Variants in TIMELESS observed in about 807,000 individuals in gnomAD.
TIMELESS encodes protein timeless homolog.
Under a neutral mutation model 164.3 loss-of-function variants are expected in TIMELESS, and 124 were observed. The ratio of observed to expected loss-of-function variants is 0.75; its 90% CI spans 0.65 to 0.88. TIMELESS has a LOEUF of 0.88. Ranked by LOEUF, TIMELESS falls within the 40% of genes least tolerant of loss-of-function variation. The pLI is 0.00. For missense variants in TIMELESS, 1,422 were observed against 1,491.4 expected (o/e 0.95, Z 0.77); for synonymous variants, 564 against 563.4 (o/e 1.00, Z -0.02).
chr12:56,420,048 A>ATATATATATATATATGTGTGTG (rs1473074484), intron 26 of TIMELESS, among the ~76,000 whole-genome samples: 1 of 87,340 alleles, frequency 1.1e-5, no homozygotes, highest in African/African-American at 5.0e-5. Flanking sequence ...ATATATATAT[A>ATATATATATATATATGTGTGTG]TGTGTGTGTG....
intron 7 of TIMELESS, among the ~76,000 whole-genome samples, chr12:56,431,926 A>G (rs1044139781): frequency 6.6e-6 from 1 of 152,034 alleles, no homozygotes; most frequent in Non-Finnish European, 1.5e-5. Flanking sequence ...AGAAAACAGA[A>G]CATGTATACA....
Position 56,433,452 on chromosome 12 carries a change from T to C in TIMELESS, c.367-9A>G. On this transcript the variant is annotated splice_polypyrimidine_tract_variant and intron_variant, in intron 4 of 28. Transcript: ENST00000553532. ...TTCTCACTGGCAAAGGCCTGTGAAA[T>C]AGGGAACCTGATCTTAAGTAGCAGT... is the stretch of plus-strand genomic sequence containing the variant. 2 of 1,614,220 alleles carry C rather than the reference T, an allele frequency of 1.2e-6. No individual in the cohort carries two copies. Among genetic ancestry groups the C allele is most frequent in the South Asian group, 1.1e-5 (1 of 91,088 alleles).
rs185666229 is a variant in TIMELESS at position 56,435,551 on chromosome 12, C to T, written c.-61-1320G>A. Among the ~76,000 whole-genome samples, 9 of 152,232 alleles carry T rather than the reference C, an allele frequency of 5.9e-5. No homozygotes were observed. In the East Asian group the frequency reaches 9.7e-4, roughly 16 times the overall value. ...TTAAAAAATTTTTGTAGGCCAGGTG[C>T]GGTGGCATCCCAGCACTTTGGAAGG... On this transcript the variant is annotated intron_variant, in intron 1 of 28. Transcript: ENST00000553532.
At chr12:56,441,953 G>T (rs1427431975) in intron 1 of TIMELESS, among the ~76,000 whole-genome samples, 1 of 151,690 alleles carries the variant, frequency 6.6e-6, no homozygotes, top group East Asian at 1.9e-4. Flanking sequence ...GTGTGGTGGC[G>T]GGTGCCTGTA....
chr12:56,422,529 G>C (rs1036971010), intron 19 of TIMELESS, among the ~76,000 whole-genome samples: 2 of 152,160 alleles, frequency 1.3e-5, no homozygotes, highest in Non-Finnish European at 1.5e-5. Context: ...AAATCCTCAT[G>C]GTTTCCCAGC....
intron 19 of TIMELESS, among the ~76,000 whole-genome samples, chr12:56,422,607 C>T (rs566173926): frequency 1.3e-5 from 2 of 152,290 alleles, no homozygotes; most frequent in South Asian, 4.1e-4. Context: ...GTGACTACCT[C>T]TATGGAGGCT....
chr12:56,427,186 G>A (rs11171842), intron 13 of TIMELESS, among the ~76,000 whole-genome samples: 10,468 of 152,244 alleles, frequency 0.069, 483 homozygotes, highest in Middle Eastern at 0.13. Context: ...GCAGTGGCAT[G>A]ATCTTGGCCT....
chr12:56,443,940 A>C (rs113559688), intron 1 of TIMELESS, among the ~76,000 whole-genome samples: 10,733 of 147,084 alleles, frequency 0.073, 1,271 homozygotes, highest in African/African-American at 0.25. Context: ...GCTCTGTCAT[A>C]CAGGCTGGAG....
chr12:56,425,061 TC>T lies in TIMELESS; in HGVS notation c.1669del (p.Glu557ArgfsTer60). On this transcript the variant is annotated frameshift_variant, in exon 14 of 29. Transcript: ENST00000553532. LOFTEE classifies it high-confidence loss of function. ...GNVPSSPEEVEAVWPALAEQL... is the reference protein window; with the variant it reads ...GNVPSSPEEVXAVWPALAEQL... ...CTCAGCCAGGGCTGGCCACACAGCC[TC>T]CACTTCTTCTGGGCTAGATGGGACA... 1.2e-6 allele frequency: 2 copies of T among 1,614,202 alleles called. No homozygotes were observed. The highest frequency in any genetic ancestry group is 1.7e-6 in the Non-Finnish European group (2 of 1,180,034).
Position 56,417,667 on chromosome 12 carries a change from T to C in TIMELESS, c.*49A>G, listed in dbSNP as rs374609968. 1.8e-5 allele frequency: 28 copies of C among 1,589,994 alleles called. No individual in the cohort carries two copies. The highest frequency in any genetic ancestry group is 2.2e-5 in the Non-Finnish European group (26 of 1,158,334). On this transcript the variant is annotated 3_prime_UTR_variant, in exon 29 of 29. Transcript: ENST00000553532. The stretch of plus-strand genomic sequence containing the variant: ...ATGACCCTTCCAACTCTGACTTGAA[T>C]GCACCATCTAAAAACGTGTCTATCT...
intron 1 of TIMELESS, among the ~76,000 whole-genome samples, chr12:56,447,186 T>G (rs950896482): frequency 2.7e-5 from 1 of 37,696 alleles, no homozygotes; most frequent in African/African-American, 2.3e-4. Flanking sequence ...ATTTTTGTTT[T>G]TTTTTTTTTT....
At chr12:56,429,124 A>C (rs764057133) in intron 10 of TIMELESS, 24 bp from the exon 11 acceptor site, 1 of 1,598,148 alleles carries the variant, frequency 6.3e-7, no homozygotes, top group East Asian at 2.2e-5. Context: ...AAGAAAAAAA[A>C]AGATCACCAT....
intron 13 of TIMELESS, among the ~76,000 whole-genome samples, chr12:56,425,777 A>G (rs1881656469): frequency 1.3e-5 from 2 of 152,142 alleles, no homozygotes; most frequent in Non-Finnish European, 2.9e-5. Flanking sequence ...TGGGAGGCCG[A>G]GGCAGAAGAA....
At position 56,422,996 on chromosome 12, in the gene TIMELESS, T is replaced by TAGG. The variant is rs748622924; in HGVS notation, c.2293-7_2293-5dup. Reference sequence around the variant, plus strand: ...ATTTGGCAAAAGTCACTAGCTCCTGTAGGAGAAGGAGGTTACTATGAGGCC... The same window carrying TAGG: ...ATTTGGCAAAAGTCACTAGCTCCTGTAGGAGGAGAAGGAGGTTACTATGAGGCC... On this transcript the variant is annotated splice_region_variant and splice_polypyrimidine_tract_variant and intron_variant, in intron 18 of 28. Coordinates refer to ENST00000553532, the MANE Select transcript of TIMELESS (RefSeq NM_003920.5). 3 of 1,612,718 alleles carry TAGG rather than the reference T, an allele frequency of 1.9e-6. No individual in the cohort carries two copies. Among genetic ancestry groups the TAGG allele is most frequent in the Non-Finnish European group, 2.5e-6 (3 of 1,179,396 alleles).
Position 56,416,585 on chromosome 12 carries a change from C to A in TIMELESS, c.*1131G>T, listed in dbSNP as rs1040780240. On this transcript the variant is annotated 3_prime_UTR_variant, in exon 29 of 29. Transcript: ENST00000553532. ...CCATGCCAACAAGCTGGCTTCTCTT[C>A]CTTTATGGCTCCTCCTTCTTCCTGC... The A allele has an allele frequency of 6.6e-6, 1 of 152,244 alleles. No homozygotes were observed. Among genetic ancestry groups the A allele is most frequent in the Non-Finnish European group, 1.5e-5 (1 of 68,092 alleles). 9.4% of individuals were successfully genotyped at this position (152,244 alleles called of 1,614,324 possible). A position where few individuals can be genotyped will look rare whatever the true frequency, so the allele number is the denominator to read the frequency against.
intron 19 of TIMELESS, 136 bp downstream of exon 19, chr12:56,422,711 A>G: frequency 2.0e-6 from 2 of 975,648 alleles, no homozygotes; most frequent in Non-Finnish European, 3.0e-6. Context: ...TCACCTCCTG[A>G]GCCTGTTCTC....
Position 56,422,006 on chromosome 12 carries a change from C to T in TIMELESS, c.2535G>A (p.Val845=). The T allele has an allele frequency of 6.2e-7, 1 of 1,614,150 alleles. No homozygotes were observed. The highest frequency in any genetic ancestry group is 1.7e-5 in the Admixed American group (1 of 60,010). ...LANKDVEGQD[V]VEAILAHLNT... is the part of the protein sequence containing the mutation. ...TCAGGTGGGCCAAGATGGCTTCCAC[C>T]ACATCCTGCCCTGGCGTGGGGAAGG... The change falls in exon 21 of 29, where the codon GTG becomes GTA. Residue 845 remains valine, a synonymous_variant. Coordinates refer to ENST00000553532, the MANE Select transcript of TIMELESS (RefSeq NM_003920.5).
Position 56,417,779 on chromosome 12 carries a change from C to T in TIMELESS, c.3564G>A (p.Glu1188=), listed in dbSNP as rs888702620. ...TCTTTTGGATTCCTGGAGCTCCCAA[C>T]TCTGGTGCTGTGGGAACGATGGGGG... ...EEDEGRNRAP[E]LGAPGIQKKK... Residue 1188 remains glutamate, a synonymous_variant, in exon 29 of 29, where the codon GAG becomes GAA. Transcript: ENST00000553532. 4 of 1,614,116 alleles carry T rather than the reference C, an allele frequency of 2.5e-6. No individual in the cohort carries two copies. Among genetic ancestry groups the T allele is most frequent in the Non-Finnish European group, 3.4e-6 (4 of 1,180,040 alleles).
rs1029797999 is a variant in TIMELESS, at chr12:56,423,448, G to A, written c.2118C>T (p.Ala706=). The A allele has an allele frequency of 2.5e-6, 4 of 1,614,018 alleles. No individual in the cohort carries two copies. In the African/African-American group the frequency reaches 5.3e-5, roughly 22 times the overall value. Residue 706 remains alanine, a synonymous_variant, in exon 18 of 29, where the codon GCC becomes GCT. Transcript: ENST00000553532. ...GGTAGCTCCTTAGTAGCAGCACATA[G>A]GCTCGAACGACAGTTGAACATGCAA... The part of the protein sequence containing the change: ...KRFACSTVVR[A]YVLLLRSYQQ...
Sources: gnomAD v4.1 joint callset for allele counts (sites outside exome capture counted in the v4.1 genomes callset) on GRCh38, gnomAD v4.1.1 for gene constraint, MANE v1.5 for transcripts, NCBI Gene and HGNC (gene_info 2026-07-23, HGNC 2026-07-21) for gene names.